TASOR2: variants seen among roughly 807,000 people sequenced by gnomAD.
TASOR2 encodes transcription activation suppressor family member 2.
In TASOR2, 84 loss-of-function variants were observed where a neutral mutation model predicts 199.5. That is an observed-to-expected ratio of 0.42 (90% CI 0.35 to 0.50). The LOEUF (loss-of-function observed/expected upper bound fraction) is 0.50. Among genes scored for constraint, TASOR2 ranks in the 20% least tolerant of loss-of-function variants. The probability of loss-of-function intolerance (pLI) is 0.02; values close to 1 mark genes in which losing one functional copy is unlikely to be tolerated. For missense variants in TASOR2, 2,796 were observed against 2,835.9 expected (o/e 0.99, Z 0.32); for synonymous variants, 1,103 against 1,046.6 (o/e 1.05, Z -1.04).
intron 1 of TASOR2, among the ~76,000 whole-genome samples, chr10:5,708,787 T>C (rs1025228339): frequency 6.6e-6 from 1 of 151,840 alleles, no homozygotes; most frequent in Non-Finnish European, 1.5e-5. Context: ...CTGCAACTTC[T>C]TCCCCCCAGA....
Position 5,706,998 on chromosome 10 carries a change from C to T in TASOR2, c.-287-5825C>T, listed in dbSNP as rs972502777. ...CAGCCTGGGCCACGGAGCAAGACTC[C>T]GTCTCAAAAAAAAAAAAGTAAGCAC... On this transcript the variant is annotated intron_variant, in intron 1 of 20. Transcript: ENST00000328090. The surrounding 1 kb of genome is among the most constrained non-coding windows in gnomAD (Gnocchi z 4.8). Among the ~76,000 whole-genome samples the T allele has an allele frequency of 1.3e-4, 12 of 92,348 alleles. No homozygotes were observed. Among genetic ancestry groups the T allele is most frequent in the South Asian group, 3.6e-4 (1 of 2,782 alleles). The allele number at this position is 92,348 out of a possible 152,430, so 60.6% of individuals were successfully genotyped here. A position where few individuals can be genotyped will look rare whatever the true frequency, so the allele number is the denominator to read the frequency against.
Position 5,726,975 on chromosome 10 carries a change from G to A in TASOR2, c.424+18G>A. On this transcript the variant is annotated intron_variant, in intron 9 of 20. Transcript: ENST00000328090. ...AGAACCAGGTATGGAGAACTGTTTT[G>A]GGAAAAAATATTTTTCATTATGTTT... is the stretch of plus-strand genomic sequence containing the variant. 1 of 1,613,338 alleles carries A rather than the reference G, an allele frequency of 6.2e-7. No homozygotes were observed. Among genetic ancestry groups the A allele is most frequent in the Middle Eastern group, 1.6e-4 (1 of 6,062 alleles).
At chr10:5,735,797 G>A (rs1835491039) in intron 12 of TASOR2, among the ~76,000 whole-genome samples, 1 of 152,118 alleles carries the variant, frequency 6.6e-6, no homozygotes, top group Admixed American at 6.5e-5. Flanking sequence ...AACATGAATT[G>A]TCTACAAGCA....
chr10:5,763,591 A>T (rs1840197140), exon 21 of TASOR2: 2 of 152,246 alleles, frequency 1.3e-5, no homozygotes, highest in Non-Finnish European at 2.9e-5. Flanking sequence ...TCTGAGAAAG[A>T]AATAATCATT....
exon 15 of TASOR2, chr10:5,749,824 C>T (rs763578908): frequency 1.2e-6 from 2 of 1,614,120 alleles, no homozygotes; most frequent in East Asian, 2.2e-5. Context: ...AGACAAAGAG[C>T]TAAATGATGT....
Position 5,754,914 on chromosome 10 carries a change from C to T in TASOR2, c.6607-1699C>T, listed in dbSNP as rs549728052. Among the ~76,000 whole-genome samples the T allele has an allele frequency of 3.1e-3, 474 of 151,466 alleles. 4 individuals carry two copies. The highest frequency in any genetic ancestry group is 5.2e-3 in the Non-Finnish European group (355 of 67,844). ...AAAAGAAATTAGCTGGGCGTGGTGGCGGGTGCCTGTAGTCCCAGCTACTCG... is the reference window on the plus strand; with the variant it reads ...AAAAGAAATTAGCTGGGCGTGGTGGTGGGTGCCTGTAGTCCCAGCTACTCG... On this transcript the variant is annotated intron_variant, in intron 15 of 20. Coordinates refer to ENST00000328090, the Ensembl canonical transcript of TASOR2. This position sits in a 1 kb window ranked among gnomAD's most constrained non-coding sequence, Gnocchi z 4.3.
chr10:5,686,682 G>C (rs1588547674), intron 1 of TASOR2, among the ~76,000 whole-genome samples: 1 of 152,154 alleles, frequency 6.6e-6, no homozygotes, highest in South Asian at 2.1e-4. Context: ...GATGATAATG[G>C]TATTTTTAAA....
At position 5,690,408 on chromosome 10, in the gene TASOR2, C is replaced by G. The variant is rs1171178128; in HGVS notation, c.-288+5233C>G. ...CCCTGTTTAGAACCTTTCATGTACA[C>G]CTGCTCCCTCATTAGGAGAAGGAAT... On this transcript the variant is annotated intron_variant, in intron 1 of 20. Transcript: ENST00000328090. This position sits in a 1 kb window ranked among gnomAD's most constrained non-coding sequence, Gnocchi z 4.8. 6.6e-6 allele frequency among the ~76,000 whole-genome samples: 1 copy of G among 152,216 alleles called. No individual in the cohort carries two copies. Among genetic ancestry groups the G allele is most frequent in the Non-Finnish European group, 1.5e-5 (1 of 68,036 alleles).
intron 1 of TASOR2, among the ~76,000 whole-genome samples, chr10:5,691,047 C>T (rs1185421415): frequency 2.6e-5 from 4 of 151,766 alleles, no homozygotes; most frequent in South Asian, 2.1e-4. Context: ...AAAAATTAGC[C>T]GGGCATGATG....
Position 5,730,809 on chromosome 10 carries a change from C to A in TASOR2, c.810C>A (p.Tyr270Ter). 6.2e-7 allele frequency: 1 copy of A among 1,614,184 alleles called. No homozygotes were observed. Among genetic ancestry groups the A allele is most frequent in the South Asian group, 1.1e-5 (1 of 91,082 alleles). The change falls in exon 11 of 21, where the codon TAC (tyrosine) becomes TAA (stop). Residue 270 changes from tyrosine to a stop codon, truncating the protein, a stop_gained. Transcript: ENST00000328090. LOFTEE classifies it high-confidence loss of function. This position sits in a 1 kb window ranked among gnomAD's most constrained non-coding sequence, Gnocchi z 4.1. ...CTTATTTTTCAGACCCTAGTGCTTACATTTTGGAAGTGTCTACTGCTTTGG... is the reference window on the plus strand; with the variant it reads ...CTTATTTTTCAGACCCTAGTGCTTAAATTTTGGAAGTGTCTACTGCTTTGG...
rs1010934573 is a variant in TASOR2, at chr10:5,689,579, G to T, written c.-288+4404G>T. ...CACGCCACTGCACTCCAGCCTGGGC[G>T]ACAGAGCAAGACTCCATCTCAAAAA... On this transcript the variant is annotated intron_variant, in intron 1 of 20. Coordinates refer to ENST00000328090, the Ensembl canonical transcript of TASOR2. This position sits in a 1 kb window ranked among gnomAD's most constrained non-coding sequence, Gnocchi z 4.1. Among the ~76,000 whole-genome samples, 1 of 152,088 alleles carries T rather than the reference G, an allele frequency of 6.6e-6. No homozygotes were observed.
At position 5,761,156 on chromosome 10, in the gene TASOR2, A is replaced by C. The variant is rs1052467705; in HGVS notation, c.6993-134A>C. The C allele has an allele frequency of 5.7e-6, 4 of 700,744 alleles. No individual in the cohort carries two copies. The African/African-American group carries it at 7.2e-5, about 13-fold the overall frequency. 43.4% of individuals were successfully genotyped at this position (700,744 alleles called of 1,614,324 possible). A position where few individuals can be genotyped will look rare whatever the true frequency, so the allele number is the denominator to read the frequency against. On this transcript the variant is annotated intron_variant, in intron 18 of 20. Transcript: ENST00000328090. ...CAATTGTGATGTTTTGAGGTAACCA[A>C]AGTGTGTCATGAAAAAGAACGTCAA... is the stretch of plus-strand genomic sequence containing the variant.
At chr10:5,696,526 T>C (rs1837177517) in intron 1 of TASOR2, among the ~76,000 whole-genome samples, 1 of 152,162 alleles carries the variant, frequency 6.6e-6, no homozygotes, top group African/African-American at 2.4e-5. Context: ...CCAGCTGATA[T>C]TTTTATTTTT....
intron 1 of TASOR2, among the ~76,000 whole-genome samples, chr10:5,691,987 G>A (rs1214941355): frequency 6.6e-6 from 1 of 152,122 alleles, no homozygotes; most frequent in East Asian, 1.9e-4. Flanking sequence ...AGACCAGCCA[G>A]GTTAACACGG....
intron 2 of TASOR2, among the ~76,000 whole-genome samples, chr10:5,713,422 A>G (rs1588681628): frequency 6.6e-6 from 1 of 152,190 alleles, no homozygotes; most frequent in Non-Finnish European, 1.5e-5. Flanking sequence ...AGGACCGTGT[A>G]CAGGGTAGGT....
At chr10:5,739,950 G>C in exon 13 of TASOR2, 3 of 1,614,070 alleles carry the variant, frequency 1.9e-6, no homozygotes, top group Non-Finnish European at 2.5e-6. Flanking sequence ...TCAAAAAGGT[G>C]AATTACTACC....
rs1835983342 is a variant in TASOR2 at position 5,738,854 on chromosome 10, C to T, written c.1448-764C>T. Among the ~76,000 whole-genome samples the T allele has an allele frequency of 1.3e-5, 2 of 152,086 alleles. No individual in the cohort carries two copies. Among genetic ancestry groups the T allele is most frequent in the African/African-American group, 4.8e-5 (2 of 41,398 alleles). On this transcript the variant is annotated intron_variant, in intron 12 of 20. Transcript: ENST00000328090. This position sits in a 1 kb window ranked among gnomAD's most constrained non-coding sequence, Gnocchi z 4.7. ...ATACGTTGAAAATACCAAGGGAAAC[C>T]ACTGGCAAATGTAAATGTTCTGATT...
chr10:5,747,455 T>G lies in TASOR2; in HGVS notation c.4034T>G (p.Val1345Gly), dbSNP rs76183460. The change falls in exon 15 of 21, where the codon GTA becomes GGA. Residue 1345 changes from valine to glycine, a missense_variant. Physicochemically the swap from Val to Gly is moderately radical, Grantham distance 109. Transcript: ENST00000328090. Reference sequence around the variant, plus strand: ...GTGAGTTCTGCTGACAATGTGTCAGTATATCCCTCAGTGTCAGAAGAACCA... The same window carrying G: ...GTGAGTTCTGCTGACAATGTGTCAGGATATCCCTCAGTGTCAGAAGAACCA... The G allele has an allele frequency of 7.6e-3, 12,215 of 1,613,982 alleles. 135 individuals carry two copies. Among genetic ancestry groups the G allele is most frequent in the South Asian group, 0.036 (3,277 of 91,084 alleles).
rs1335997949 is a variant in TASOR2, at chr10:5,706,224, C to T, written c.-287-6599C>T. Among the ~76,000 whole-genome samples, 1 of 152,072 alleles carries T rather than the reference C, an allele frequency of 6.6e-6. No homozygotes were observed. Among genetic ancestry groups the T allele is most frequent in the East Asian group, 1.9e-4 (1 of 5,198 alleles). On this transcript the variant is annotated intron_variant, in intron 1 of 20. Transcript: ENST00000328090. This position sits in a 1 kb window ranked among gnomAD's most constrained non-coding sequence, Gnocchi z 4.8. ...ATATGCATTTTCTTTGTATCATTACCACCTTGTCTTGACTACTTTAGCTTT... is the reference window on the plus strand; with the variant it reads ...ATATGCATTTTCTTTGTATCATTACTACCTTGTCTTGACTACTTTAGCTTT...
Sources: allele counts gnomAD v4.1 joint callset (sites outside exome capture counted in the v4.1 genomes callset), GRCh38; gene constraint gnomAD v4.1.1; non-coding constraint Gnocchi (gnomAD v3.1); transcripts MANE v1.5; gene names NCBI Gene and HGNC (gene_info 2026-07-23, HGNC 2026-07-21).